SARDH: variants seen among roughly 807,000 people sequenced by gnomAD.
SARDH encodes the protein sarcosine dehydrogenase, also known as sarcosine dehydrogenase, mitochondrial.
SARDH carries 95 observed loss-of-function variants against 109.1 expected under a neutral mutation model. The observed-to-expected ratio is 0.87, with a 90% CI of 0.74 to 1.03. SARDH has a LOEUF of 1.03. SARDH is among the 50% of genes least tolerant of loss of function. The pLI, the probability that SARDH is intolerant of heterozygous loss-of-function variation, is 0.00. For synonymous variants in SARDH, 572 were observed against 534.8 expected (o/e 1.07, Z -0.96); for missense variants, 1,267 against 1,287.8 (o/e 0.98, Z 0.25).
At position 133,731,618 on chromosome 9, in the gene SARDH, C is replaced by T. The variant is rs999379853; in HGVS notation, c.511-134G>A. 29 of 837,908 alleles carry T rather than the reference C, an allele frequency of 3.5e-5. No individual in the cohort carries two copies. The East Asian group carries it at 3.5e-4, about 10-fold the overall frequency. The allele number at this position is 837,908 out of a possible 1,614,324, so 51.9% of individuals were successfully genotyped here. On this transcript the variant is annotated intron_variant, in intron 3 of 20. Transcript: ENST00000439388. ...AAGCCTTAGCCGGTCCCCACGCCCC[C>T]GGAGCCTGTCCCTTGAATCCGCTTC...
downstream of SARDH, among the ~76,000 whole-genome samples, chr9:133,660,383 G>GA (rs1475991442): frequency 4.6e-5 from 7 of 152,156 alleles, no homozygotes; most frequent in Non-Finnish European, 8.8e-5. Flanking sequence ...TCCAGTGTCT[G>GA]AATGCTCAAC....
chr9:133,682,474 A>G (rs1830729916), intron 17 of SARDH, among the ~76,000 whole-genome samples: 1 of 152,210 alleles, frequency 6.6e-6, no homozygotes, highest in Non-Finnish European at 1.5e-5. Flanking sequence ...GAATGTCCCC[A>G]ACGGTCCTCT....
intron 8 of SARDH, among the ~76,000 whole-genome samples, chr9:133,716,519 C>T (rs566678935): frequency 7.9e-5 from 12 of 152,044 alleles, no homozygotes; most frequent in South Asian, 6.2e-4. Flanking sequence ...GCCCCACACC[C>T]GCCCCCTGGG....
downstream of SARDH, among the ~76,000 whole-genome samples, chr9:133,662,398 T>C (rs964681570): frequency 1.3e-5 from 2 of 151,980 alleles, no homozygotes; most frequent in Non-Finnish European, 2.9e-5. The surrounding 1 kb of genome is among the most constrained non-coding windows in gnomAD (Gnocchi z 5.1). Context: ...GGCCAGGCCA[T>C]CTGGGGAGCC....
Position 133,696,245 on chromosome 9 carries a change from G to A in SARDH, c.1785C>T (p.Ser595=), listed in dbSNP as rs2502740. The A allele has an allele frequency of 0.31, 507,694 of 1,613,708 alleles. 83,204 individuals carry two copies. Among genetic ancestry groups the A allele is most frequent in the Non-Finnish European group, 0.34 (402,563 of 1,179,858 alleles). ...TACCTGGGGGTCGGCTGACATCTGC[G>A]GAGAAGAGCCAGTCGGCAGCCTTCC... The part of the protein sequence containing the change: ...DARKAADWLF[S]ADVSRPPGST... The change falls in exon 14 of 21, where the codon TCC becomes TCT. Residue 595 remains serine (S), a synonymous_variant. Transcript: ENST00000439388.
rs377752168 is a variant in SARDH at position 133,690,689 on chromosome 9, C to T, written c.1922-162G>A. Among the ~76,000 whole-genome samples the T allele has an allele frequency of 3.0e-3, 460 of 152,178 alleles. 2 individuals are homozygous for T. Among genetic ancestry groups the T allele is most frequent in the African/African-American group, 0.011 (439 of 41,522 alleles). On this transcript the variant is annotated intron_variant, in intron 15 of 20. Transcript: ENST00000439388. The stretch of plus-strand genomic sequence containing the variant: ...CGTATCTGTCCCTCCCTGGGTCCCC[C>T]AGGGCCACGCCTTGCAGAGTATCCT...
chr9:133,708,246 C>A (rs747259876), intron 11 of SARDH, 41 bp downstream of exon 11: 10 of 1,589,754 alleles, frequency 6.3e-6, no homozygotes, highest in Non-Finnish European at 8.6e-6. Flanking sequence ...ACGTCCCAGA[C>A]CCTCGCTGCC....
At chr9:133,665,372 G>A (rs1830027640) in intron 20 of SARDH, among the ~76,000 whole-genome samples, 2 of 152,208 alleles carry the variant, frequency 1.3e-5, no homozygotes, top group African/African-American at 2.4e-5. Flanking sequence ...CCCCAGGGCT[G>A]TGGCCCCCAG....
In SARDH at chr9:133,686,232, C is replaced by T. The variant is rs1830880997; in HGVS notation, c.2070-946G>A. ...CGTGGTACCCAGCACCACATCTACTCTCACACTTGCGCAAGTACCGGAGAC... is the reference window on the plus strand; with the variant it reads ...CGTGGTACCCAGCACCACATCTACTTTCACACTTGCGCAAGTACCGGAGAC... On this transcript the variant is annotated intron_variant, in intron 16 of 20. Coordinates refer to ENST00000439388, the MANE Select transcript of SARDH (RefSeq NM_001134707.2). This position sits in a 1 kb window ranked among gnomAD's most constrained non-coding sequence, Gnocchi z 4.0. Among the ~76,000 whole-genome samples the T allele has an allele frequency of 6.6e-6, 1 of 152,058 alleles. No individual in the cohort carries two copies. The highest frequency in any genetic ancestry group is 1.5e-5 in the Non-Finnish European group (1 of 67,996).
At chr9:133,717,624 C>T (rs1392626847) in intron 7 of SARDH, among the ~76,000 whole-genome samples, 169 bp from the exon 8 acceptor site, 1 of 151,888 alleles carries the variant, frequency 6.6e-6, no homozygotes, top group Non-Finnish European at 1.5e-5. Context: ...CACCCACCAA[C>T]CCATCAGCAA....
At chr9:133,737,834 CT>C (rs1362281646) in intron 1 of SARDH, among the ~76,000 whole-genome samples, 2 of 152,248 alleles carry the variant, frequency 1.3e-5, no homozygotes, top group Non-Finnish European at 2.9e-5. Flanking sequence ...CCCTCCAACT[CT>C]GTCTCGTACC....
chr9:133,698,092 T>C (rs1220929302), intron 13 of SARDH, among the ~76,000 whole-genome samples: 4 of 149,120 alleles, frequency 2.7e-5, no homozygotes, highest in African/African-American at 9.9e-5. Flanking sequence ...AAGGTCAATA[T>C]ATAAAAACAC....
intron 6 of SARDH, among the ~76,000 whole-genome samples, chr9:133,727,477 G>C (rs1832532559): frequency 6.6e-6 from 1 of 152,258 alleles, no homozygotes; most frequent in Admixed American, 6.5e-5. Context: ...GGGCCCCCTG[G>C]CTTGTTCTGT....
chr9:133,713,111 G>C lies in SARDH; in HGVS notation c.1164C>G (p.Pro388=). The C allele has an allele frequency of 5.6e-6, 9 of 1,613,202 alleles. No individual in the cohort carries two copies. Among genetic ancestry groups the C allele is most frequent in the Non-Finnish European group, 7.6e-6 (9 of 1,179,862 alleles). ...STVCGPESFT[P]DHKPLMGEAP... ...CCTCCCCCATCAGGGGCTTGTGGTC[G>C]GGCGTGAAGGATTCTGAAAGAAGGA... is the stretch of plus-strand genomic sequence containing the variant. The change falls in exon 9 of 21, where the codon CCC becomes CCG. Residue 388 remains proline (P), a synonymous_variant. Coordinates refer to ENST00000439388, the MANE Select transcript of SARDH (RefSeq NM_001134707.2).
intron 6 of SARDH, among the ~76,000 whole-genome samples, chr9:133,720,639 A>G (rs1190683212): frequency 7.2e-6 from 1 of 139,664 alleles, no homozygotes; most frequent in Non-Finnish European, 1.6e-5. Flanking sequence ...CTTACATGGC[A>G]GCAGGAAAGA....
intron 10 of SARDH, among the ~76,000 whole-genome samples, chr9:133,708,665 C>T (rs1407251700): frequency 6.6e-6 from 1 of 152,118 alleles, no homozygotes; most frequent in Non-Finnish European, 1.5e-5. Context: ...GACAGAGGGC[C>T]CAGCTGAGGC....
chr9:133,719,731 G>A (rs567823271), intron 6 of SARDH, among the ~76,000 whole-genome samples: 161 of 147,458 alleles, frequency 1.1e-3, no homozygotes, highest in Non-Finnish European at 1.9e-3. Flanking sequence ...CTCTAAAAGC[G>A]AAAGGCTTGC....
In SARDH at chr9:133,732,155, G is replaced by A. The variant is rs544578489; in HGVS notation, c.510+268C>T. Among the ~76,000 whole-genome samples the A allele has an allele frequency of 7.9e-5, 12 of 152,250 alleles. No homozygotes were observed. In the South Asian group the frequency reaches 2.5e-3, roughly 32 times the overall value. On this transcript the variant is annotated intron_variant, in intron 3 of 20. Coordinates refer to ENST00000439388, the MANE Select transcript of SARDH (RefSeq NM_001134707.2). Reference sequence around the variant, plus strand: ...TCACCTGCCGGGGCTCCTTCCCTGTGGCGTGTCCCCTTCTCTCGCGGCAGA... The same window carrying A: ...TCACCTGCCGGGGCTCCTTCCCTGTAGCGTGTCCCCTTCTCTCGCGGCAGA...
Position 133,717,397 on chromosome 9 carries a change from T to A in SARDH, c.1079A>T (p.His360Leu). The A allele has an allele frequency of 6.2e-7, 1 of 1,614,150 alleles. No individual in the cohort carries two copies. The highest frequency in any genetic ancestry group is 8.5e-7 in the Non-Finnish European group (1 of 1,180,004). Residue 360 changes from histidine to leucine, a missense_variant, in exon 8 of 21, where the codon CAC becomes CTC. Transcript: ENST00000439388. ...GACCCTGTTGATGGCGCCTTCAATG[T>A]GCTGGGTGAACACCTCCCAGTCCAG... The part of the protein sequence containing the change: ...FDLDWEVFTQ[H>L]IEGAINRVPV...
Sources: gnomAD v4.1 joint callset for allele counts (sites outside exome capture counted in the v4.1 genomes callset) on GRCh38, gnomAD v4.1.1 for gene constraint, Gnocchi (gnomAD v3.1) non-coding constraint, MANE v1.5 for transcripts, NCBI Gene and HGNC (gene_info 2026-07-23, HGNC 2026-07-21) for gene names.